The following PPFIBP2 variants were observed in gnomAD, a reference collection of about 807,000 sequenced individuals.
PPFIBP2 encodes PPFIB scaffold protein 2.
A neutral mutation model predicts 118.3 loss-of-function variants in PPFIBP2; 118 were observed. The observed-to-expected ratio is 1.00, with a 90% CI of 0.86 to 1.16. PPFIBP2 has a LOEUF of 1.16. Ranked by LOEUF, PPFIBP2 falls within the 50% of genes most tolerant of loss-of-function variation. The pLI is 0.00. For missense variants in PPFIBP2, 1,195 were observed against 1,073.1 expected (o/e 1.11, Z -1.59); for synonymous variants, 414 against 397.4 (o/e 1.04, Z -0.50).
At chr11:7,666,623 A>T in the PPFIBP2 span, 37 of 1,116,408 alleles carry the variant, frequency 3.3e-5, no homozygotes, top group East Asian at 8.4e-4. Flanking sequence ...TACACCGGTC[A>T]GCATACTCCT....
At chr11:7,615,178 C>T (rs529443918) in intron 6 of PPFIBP2, among the ~76,000 whole-genome samples, 58 of 151,792 alleles carry the variant, frequency 3.8e-4, no homozygotes, top group African/African-American at 1.3e-3. Flanking sequence ...TCTACTAAAA[C>T]ATACAAAAAT....
At chr11:7,558,203 A>G (rs1325736777) in intron 2 of PPFIBP2, among the ~76,000 whole-genome samples, 1 of 152,236 alleles carries the variant, frequency 6.6e-6, no homozygotes, top group Non-Finnish European at 1.5e-5. Context: ...TCACTTGAAC[A>G]CAGACTGATT....
chr11:7,627,541 T>C (rs562585198), intron 8 of PPFIBP2, among the ~76,000 whole-genome samples: 1 of 152,124 alleles, frequency 6.6e-6, no homozygotes, highest in Non-Finnish European at 1.5e-5. Flanking sequence ...TGCCAATTCC[T>C]AGAGTATCTG....
At chr11:7,663,055 TTTTTTCAAAGTTTTCAACTTCTTTGCC>T in the PPFIBP2 span, among the ~76,000 whole-genome samples, 1 of 134,036 alleles carries the variant, frequency 7.5e-6, no homozygotes, top group Admixed American at 7.7e-5. Flanking sequence ...TCTTCTAAAT[TTTTTTCAAAGTTTTCAACTTCTTTGCC>T]TTTGGTTTGA....
intron 4 of PPFIBP2, among the ~76,000 whole-genome samples, chr11:7,594,918 A>G (rs1381838409): frequency 1.6e-5 from 2 of 128,298 alleles, no homozygotes; most frequent in Admixed American, 1.5e-4. Context: ...CTCCATCTCA[A>G]AAAAAAAAAA....
chr11:7,649,803 C>A, intron 21 of PPFIBP2, 149 bp downstream of exon 21: 1 of 1,246,568 alleles, frequency 8.0e-7, no homozygotes. Context: ...TTCCTGTTGC[C>A]CCAAACATCC....
At chr11:7,642,091 A>G (rs1852277312) in intron 16 of PPFIBP2, 2 of 558,284 alleles carry the variant, frequency 3.6e-6, no homozygotes, top group Admixed American at 3.5e-5. Flanking sequence ...CAAGTGACCA[A>G]ATCCCAGAGG....
At chr11:7,639,616 T>C (rs1590748961) in intron 14 of PPFIBP2, 116 bp from the exon 15 acceptor site, 1 of 1,324,956 alleles carries the variant, frequency 7.5e-7, no homozygotes, top group East Asian at 2.3e-5. Flanking sequence ...GGTGTTCAAG[T>C]CACCATATGT....
intron 18 of PPFIBP2, 98 bp from the exon 19 acceptor site, chr11:7,648,702 A>G: frequency 7.1e-7 from 1 of 1,417,372 alleles, no homozygotes; most frequent in Non-Finnish European, 9.9e-7. Flanking sequence ...GTGGAGATAC[A>G]CTGCCATACT....
At chr11:7,656,790 T>G (rs759021939), downstream of PPFIBP2, 1 of 1,289,672 alleles carries the variant, frequency 7.8e-7, no homozygotes, top group East Asian at 5.5e-5. Flanking sequence ...CTCTGATGAC[T>G]GGAGATGACT....
chr11:7,597,390 A>G, intron 4 of PPFIBP2, 170 bp from the exon 5 acceptor site: 1 of 1,537,514 alleles, frequency 6.5e-7, no homozygotes, highest in Non-Finnish European at 8.7e-7. Context: ...ATCTAACTGC[A>G]GCTGCCTTCG....
At chr11:7,666,749 A>C in the PPFIBP2 span, 2 of 471,710 alleles carry the variant, frequency 4.2e-6, no homozygotes, top group East Asian at 3.9e-5. Context: ...AAGTTCCTCC[A>C]TGTGGATGAA....
At chr11:7,596,576 T>G (rs555721211) in intron 4 of PPFIBP2, among the ~76,000 whole-genome samples, 1 of 152,316 alleles carries the variant, frequency 6.6e-6, no homozygotes, top group East Asian at 1.9e-4. Context: ...AAAGTTTATC[T>G]AAACACTCAT....
At chr11:7,524,787 G>A (rs1347714689) in intron 1 of PPFIBP2, among the ~76,000 whole-genome samples, 1 of 152,102 alleles carries the variant, frequency 6.6e-6, no homozygotes, top group Non-Finnish European at 1.5e-5. Context: ...CTGAGGGGGT[G>A]GAGATCGATT....
At position 7,651,680 on chromosome 11, in the gene PPFIBP2, G is replaced by T. The variant is rs567742668; in HGVS notation, c.2272G>T (p.Asp758Tyr). 5.0e-6 allele frequency: 8 copies of T among 1,611,848 alleles called. No individual in the cohort carries two copies. Among genetic ancestry groups the T allele is most frequent in the Non-Finnish European group, 6.8e-6 (8 of 1,178,258 alleles). ...GATCCTGGAGCCACGCTTCACTGGG[G>T]ACACCCTGGCTATGCTTCTCAACAT... ...LIILEPRFTG[D>Y]TLAMLLNIPP... Residue 758 changes from aspartate (D) to tyrosine (Y), a missense_variant, in exon 23 of 24, where the codon GAC (aspartate) becomes TAC (tyrosine). Transcript: ENST00000299492.
chr11:7,631,010 A>G lies in PPFIBP2; in HGVS notation c.1050A>G (p.Glu350=). ...GGAACGCTACAAATAAGGACCCTGA[A>G]GAATTATTTAAACAAGAGGTACTGT... ...SKWNATNKDP[E]ELFKQEMPPR... Residue 350 remains glutamate (E), a synonymous_variant, in exon 11 of 24, where the codon GAA becomes GAG. Coordinates refer to ENST00000299492, the MANE Select transcript of PPFIBP2 (RefSeq NM_003621.5). 6.2e-7 allele frequency: 1 copy of G among 1,613,266 alleles called. No homozygotes were observed. Among genetic ancestry groups the G allele is most frequent in the Non-Finnish European group, 8.5e-7 (1 of 1,179,184 alleles).
At chr11:7,624,374 C>T (rs967402725) in intron 7 of PPFIBP2, among the ~76,000 whole-genome samples, 6 of 152,360 alleles carry the variant, frequency 3.9e-5, no homozygotes, top group African/African-American at 1.4e-4. Context: ...TGTAAGAAAG[C>T]AGTGAGCACG....
chr11:7,653,281 T>C lies in PPFIBP2; in HGVS notation c.*63T>C, dbSNP rs760387147. The C allele has an allele frequency of 1.2e-6, 2 of 1,603,306 alleles. No homozygotes were observed. The highest frequency in any genetic ancestry group is 1.7e-5 in the Admixed American group (1 of 59,132). On this transcript the variant is annotated 3_prime_UTR_variant, in exon 24 of 24. Coordinates refer to ENST00000299492, the MANE Select transcript of PPFIBP2 (RefSeq NM_003621.5). ...CACAGTAACACTGTGTGTGTCACCA[T>C]ATAACTGCACCTCACCCCCGCACGT...
Position 7,610,429 on chromosome 11 carries a change from G to A in PPFIBP2, c.618+7G>A, listed in dbSNP as rs1847926398. ...GAAGCAGAGAAAAGCAGAGGTAAGG[G>A]TGAGTGTGTACTGTCCTAAGCTCAG... On this transcript the variant is annotated splice_region_variant and intron_variant, in intron 6 of 23. Coordinates refer to ENST00000299492, the MANE Select transcript of PPFIBP2 (RefSeq NM_003621.5). The A allele has an allele frequency of 6.2e-7, 1 of 1,612,938 alleles. No homozygotes were observed. The highest frequency in any genetic ancestry group is 8.5e-7 in the Non-Finnish European group (1 of 1,179,870).
Sources: allele counts gnomAD v4.1 joint callset (sites outside exome capture counted in the v4.1 genomes callset), GRCh38; gene constraint gnomAD v4.1.1; transcripts MANE v1.5; gene names NCBI Gene and HGNC (gene_info 2026-07-23, HGNC 2026-07-21).